Variants in PAX7 observed in about 807,000 individuals in gnomAD.
The protein encoded by PAX7 is paired box protein Pax-7.
PAX7 carries 18 observed loss-of-function variants against 50.7 expected under a neutral mutation model. That is an observed-to-expected ratio of 0.36 (90% CI 0.25 to 0.53). PAX7 has a LOEUF of 0.53. Ranked by LOEUF, PAX7 falls within the 20% of genes least tolerant of loss-of-function variation. PAX7 has a pLI of 0.93. For synonymous variants in PAX7, 310 were observed against 290.4 expected, an observed-to-expected ratio of 1.07 and a Z score of -0.69; for missense variants, 644 against 702.9, an observed-to-expected ratio of 0.92 and a Z score of 0.95.
At chr1:18,696,687 C>T (rs1004499319) in intron 5 of PAX7, among the ~76,000 whole-genome samples, 1 of 151,832 alleles carries the variant, frequency 6.6e-6, no homozygotes, top group African/African-American at 2.4e-5. Flanking sequence ...TTTGTGAGAG[C>T]TAAAAATTAA....
intron 7 of PAX7, among the ~76,000 whole-genome samples, chr1:18,731,103 C>G (rs948018895): frequency 7.9e-5 from 12 of 152,224 alleles, no homozygotes; most frequent in Admixed American, 7.2e-4. Flanking sequence ...GCAAGGTCAC[C>G]AGGAAAAAAG....
chr1:18,687,389 C>T (rs2100285157), intron 4 of PAX7, among the ~76,000 whole-genome samples: 1 of 152,300 alleles, frequency 6.6e-6, no homozygotes, highest in South Asian at 2.1e-4. Flanking sequence ...CCTGATTAGA[C>T]CGGGGCTGTC....
At chr1:18,679,985 A>C (rs572222735) in intron 4 of PAX7, among the ~76,000 whole-genome samples, 1 of 152,226 alleles carries the variant, frequency 6.6e-6, no homozygotes, top group Non-Finnish European at 1.5e-5. Flanking sequence ...TTGGGTGCTT[A>C]CTGAGTACCT....
At chr1:18,670,734 C>T (rs2088736262) in intron 4 of PAX7, among the ~76,000 whole-genome samples, 1 of 152,194 alleles carries the variant, frequency 6.6e-6, no homozygotes, top group Non-Finnish European at 1.5e-5. Context: ...GGGCTGCAGG[C>T]CATGGAGACG....
At chr1:18,643,986 G>C (rs1250622545) in intron 4 of PAX7, among the ~76,000 whole-genome samples, 1 of 152,244 alleles carries the variant, frequency 6.6e-6, no homozygotes, top group Admixed American at 6.5e-5. Flanking sequence ...TTAACAGGCC[G>C]GCCCGGGCTT....
chr1:18,652,912 G>A (rs1237201805), intron 4 of PAX7, among the ~76,000 whole-genome samples: 2 of 152,198 alleles, frequency 1.3e-5, no homozygotes, highest in Non-Finnish European at 2.9e-5. Flanking sequence ...GTGGGTATCT[G>A]TTTTCCCAGT....
In PAX7 at chr1:18,647,906, A is replaced by G. The variant is rs1053930549; in HGVS notation, c.586+11535A>G. Among the ~76,000 whole-genome samples the G allele has an allele frequency of 3.9e-5, 6 of 152,314 alleles. No individual in the cohort carries two copies. In the South Asian group the frequency reaches 6.2e-4, roughly 16 times the overall value. On this transcript the variant is annotated intron_variant, in intron 4 of 8. Transcript: ENST00000420770. ...TATCCCTCCTGATCTACAGTTCTAG[A>G]CAGAAGAAATAGACCTGCTCTGTGG... is the stretch of plus-strand genomic sequence containing the variant.
chr1:18,704,342 C>T (rs535680152), intron 7 of PAX7, among the ~76,000 whole-genome samples: 6 of 152,266 alleles, frequency 3.9e-5, no homozygotes, highest in East Asian at 3.9e-4. Context: ...CATATAAGGC[C>T]GAGCGTGGTG....
At chr1:18,718,734 C>T (rs1167381651) in intron 7 of PAX7, among the ~76,000 whole-genome samples, 1 of 151,946 alleles carries the variant, frequency 6.6e-6, no homozygotes, top group Non-Finnish European at 1.5e-5. Flanking sequence ...CCTCCGCCTC[C>T]CAGGTTCAAG....
Position 18,745,645 on chromosome 1 carries a change from G to A in PAX7, c.*716G>A. 4.3e-6 allele frequency: 1 copy of A among 231,222 alleles called. No homozygotes were observed. The highest frequency in any genetic ancestry group is 8.6e-6 in the Non-Finnish European group (1 of 116,786). 14.3% of individuals were successfully genotyped at this position (231,222 alleles called of 1,614,324 possible). On this transcript the variant is annotated 3_prime_UTR_variant, in exon 9 of 9. Coordinates refer to ENST00000420770, the MANE Select transcript of PAX7 (RefSeq NM_001135254.2). Reference sequence around the variant, plus strand: ...CTTAACCAGAGGGTAGGGGCACATGGGGGTGGGGCTTGTCAGCCGTGGGCC... The same window carrying A: ...CTTAACCAGAGGGTAGGGGCACATGAGGGTGGGGCTTGTCAGCCGTGGGCC...
At chr1:18,638,889 T>G (rs1443173665) in intron 4 of PAX7, among the ~76,000 whole-genome samples, 6 of 152,310 alleles carry the variant, frequency 3.9e-5, no homozygotes, top group African/African-American at 1.4e-4. Context: ...TGAAAAGACC[T>G]TCCAATCTCC....
intron 7 of PAX7, among the ~76,000 whole-genome samples, chr1:18,722,445 C>T (rs925998743): frequency 6.6e-6 from 1 of 152,122 alleles, no homozygotes; most frequent in Admixed American, 6.5e-5. Context: ...ACGTCAATGC[C>T]GTGGGCATGT....
At chr1:18,731,320 A>ATAGGGCTCT (rs1418094838) in intron 7 of PAX7, among the ~76,000 whole-genome samples, 1 of 152,186 alleles carries the variant, frequency 6.6e-6, no homozygotes, top group Non-Finnish European at 1.5e-5. Flanking sequence ...ATTTAGGCCC[A>ATAGGGCTCT]TAGGGCTCTG....
chr1:18,669,818 A>G (rs1274255488), intron 4 of PAX7, among the ~76,000 whole-genome samples: 1 of 152,166 alleles, frequency 6.6e-6, no homozygotes, highest in Non-Finnish European at 1.5e-5. Flanking sequence ...TGGATAAAGG[A>G]GCTAATCCAC....
At chr1:18,631,799 T>TCCCGTTC (rs1317132789) in intron 1 of PAX7, 111 bp downstream of exon 1, 1 of 864,994 alleles carries the variant, frequency 1.2e-6, no homozygotes, top group Non-Finnish European at 1.9e-6. Flanking sequence ...AGCAGAGGGA[T>TCCCGTTC]CCCGTTCTCT....
At chr1:18,670,365 G>A (rs1274326967) in intron 4 of PAX7, among the ~76,000 whole-genome samples, 1 of 152,160 alleles carries the variant, frequency 6.6e-6, no homozygotes, top group Non-Finnish European at 1.5e-5. Flanking sequence ...ACTAAGGAGT[G>A]GAGCATTGCA....
intron 8 of PAX7, among the ~76,000 whole-genome samples, chr1:18,737,412 C>T (rs185543915): frequency 2.0e-5 from 3 of 151,596 alleles, no homozygotes; most frequent in Admixed American, 1.3e-4. Context: ...CCAGCTATGT[C>T]GGCCTCCACC....
At chr1:18,672,035 G>A (rs2088757758) in intron 4 of PAX7, among the ~76,000 whole-genome samples, 2 of 152,026 alleles carry the variant, frequency 1.3e-5, no homozygotes, top group Non-Finnish European at 2.9e-5. Flanking sequence ...AGTTCCTGTT[G>A]GTGTAGTTGT....
intron 4 of PAX7, among the ~76,000 whole-genome samples, chr1:18,688,853 G>A (rs1343656968): frequency 6.6e-6 from 1 of 152,210 alleles, no homozygotes; most frequent in Non-Finnish European, 1.5e-5. Flanking sequence ...GATGGAGGCT[G>A]CAGTGAGCAG....
Sources: gnomAD v4.1 joint callset for allele counts (sites outside exome capture counted in the v4.1 genomes callset) on GRCh38, gnomAD v4.1.1 for gene constraint, MANE v1.5 for transcripts, NCBI Gene and HGNC (gene_info 2026-07-23, HGNC 2026-07-21) for gene names.